IGSF11: variants seen among roughly 807,000 people sequenced by gnomAD.
IGSF11 encodes the protein immunoglobulin superfamily member 11, also known as CXADR like 1.
In IGSF11, 22 loss-of-function variants were observed where a neutral mutation model predicts 41.0. The ratio of observed to expected loss-of-function variants is 0.54; its 90% CI spans 0.38 to 0.77. IGSF11 has a LOEUF of 0.77. Among genes scored for constraint, IGSF11 ranks in the 30% least tolerant of loss-of-function variants. The probability of loss-of-function intolerance (pLI) is 0.00; values close to 1 mark genes in which losing one functional copy is unlikely to be tolerated. For synonymous variants in IGSF11, 219 were observed against 201.3 expected (o/e 1.09, Z -0.74); for missense variants, 444 against 530.8 (o/e 0.84, Z 1.61).
intron 4 of IGSF11, among the ~76,000 whole-genome samples, chr3:118,907,320 C>T (rs1429058087): frequency 6.6e-6 from 1 of 152,150 alleles, no homozygotes; most frequent in Non-Finnish European, 1.5e-5. Context: ...TATTGAGCAT[C>T]TTCCTTTGTG....
At chr3:118,908,444 G>T (rs2107476562) in intron 4 of IGSF11, among the ~76,000 whole-genome samples, 1 of 152,324 alleles carries the variant, frequency 6.6e-6, no homozygotes, top group East Asian at 1.9e-4. Context: ...AAATAGAGAA[G>T]AGAGCAACTC....
intron 1 of IGSF11, among the ~76,000 whole-genome samples, chr3:118,933,748 C>T (rs1299006286): frequency 6.6e-6 from 1 of 152,056 alleles, no homozygotes; most frequent in African/African-American, 2.4e-5. Flanking sequence ...ATTATCACTA[C>T]AATATTATAT....
chr3:118,983,276 C>T (rs1472738457), intron 1 of IGSF11: 1 of 152,140 alleles, frequency 6.6e-6, no homozygotes, highest in Non-Finnish European at 1.5e-5. Context: ...ATATCATCTC[C>T]AGTTTACAAA....
At chr3:119,072,060 TTCCAAGAAAAGAA>T (rs2107467704) in intron 1 of IGSF11, among the ~76,000 whole-genome samples, 1 of 152,318 alleles carries the variant, frequency 6.6e-6, no homozygotes, top group Admixed American at 6.5e-5. Flanking sequence ...TAGGAGAATA[TTCCAAGAAAAGAA>T]AAGTTGCCTA....
chr3:119,002,352 T>A (rs368548701), intron 1 of IGSF11, among the ~76,000 whole-genome samples: 2 of 151,134 alleles, frequency 1.3e-5, no homozygotes, highest in Non-Finnish European at 2.9e-5. Flanking sequence ...GTTTGAGTTC[T>A]TTGTAGATTC....
intron 1 of IGSF11, among the ~76,000 whole-genome samples, chr3:118,986,165 C>T (rs192294073): frequency 2.0e-5 from 3 of 152,290 alleles, no homozygotes; most frequent in Admixed American, 1.3e-4. Context: ...GTTCAAAAAT[C>T]CATTGCTTTA....
chr3:119,089,048 C>T (rs781319750), intron 1 of IGSF11, among the ~76,000 whole-genome samples: 1 of 152,028 alleles, frequency 6.6e-6, no homozygotes, highest in Non-Finnish European at 1.5e-5. Flanking sequence ...TCAAAAAAAT[C>T]GAGGAGTAGG....
chr3:118,995,204 C>G (rs1266549520), intron 1 of IGSF11, among the ~76,000 whole-genome samples: 4 of 152,218 alleles, frequency 2.6e-5, no homozygotes, highest in Admixed American at 6.5e-5. Context: ...TGACGATTCA[C>G]TAGAACAAGG....
chr3:119,087,407 C>T (rs928441682), intron 1 of IGSF11, among the ~76,000 whole-genome samples: 25 of 151,658 alleles, frequency 1.6e-4, no homozygotes, highest in South Asian at 6.2e-4. Context: ...CACACATACA[C>T]ACACACACAC....
At chr3:118,992,882 G>A (rs1430033183) in intron 1 of IGSF11, among the ~76,000 whole-genome samples, 1 of 152,162 alleles carries the variant, frequency 6.6e-6, no homozygotes, top group Non-Finnish European at 1.5e-5. Context: ...CAGAATGGAA[G>A]TCATACACAA....
chr3:118,909,223 A>G (rs1939973318), intron 4 of IGSF11, among the ~76,000 whole-genome samples: 1 of 152,142 alleles, frequency 6.6e-6, no homozygotes, highest in Non-Finnish European at 1.5e-5. Flanking sequence ...ATATATTTTC[A>G]TATGACTTAT....
chr3:119,047,814 A>C (rs939375834), intron 1 of IGSF11, among the ~76,000 whole-genome samples: 1 of 152,164 alleles, frequency 6.6e-6, no homozygotes, highest in Non-Finnish European at 1.5e-5. Context: ...ACCACAGTGC[A>C]ATCAAACTAG....
intron 1 of IGSF11, among the ~76,000 whole-genome samples, chr3:119,098,195 G>A (rs2076886240): frequency 6.6e-6 from 1 of 151,928 alleles, no homozygotes; most frequent in African/African-American, 2.4e-5. Flanking sequence ...TAGTTAAAAT[G>A]CTGACTCCAT....
chr3:119,078,789 A>T (rs969439874), intron 1 of IGSF11, among the ~76,000 whole-genome samples: 5 of 152,174 alleles, frequency 3.3e-5, no homozygotes, highest in Admixed American at 2.6e-4. Flanking sequence ...TACCTAAATA[A>T]TGGGAGAAAA....
chr3:119,131,831 C>T (rs1388608388), intron 1 of IGSF11, among the ~76,000 whole-genome samples: 1 of 152,140 alleles, frequency 6.6e-6, no homozygotes, highest in Non-Finnish European at 1.5e-5. Context: ...AAGGGAAGCC[C>T]ATCAGACTAA....
intron 1 of IGSF11, among the ~76,000 whole-genome samples, chr3:119,022,466 T>C (rs541748659): frequency 6.6e-6 from 1 of 152,284 alleles, no homozygotes; most frequent in African/African-American, 2.4e-5. Flanking sequence ...TAATGTAAAA[T>C]ACCAAAAATG....
intron 1 of IGSF11, among the ~76,000 whole-genome samples, chr3:119,133,924 A>C (rs2077519745): frequency 6.6e-6 from 1 of 152,234 alleles, no homozygotes; most frequent in South Asian, 2.1e-4. Flanking sequence ...AACATATGCC[A>C]ATCAATAAAC....
chr3:119,051,936 A>G (rs765170561), intron 1 of IGSF11, among the ~76,000 whole-genome samples: 35 of 152,192 alleles, frequency 2.3e-4, no homozygotes, highest in Non-Finnish European at 4.7e-4. Context: ...CTGAACAATA[A>G]TAGTGACACA....
intron 1 of IGSF11, among the ~76,000 whole-genome samples, chr3:118,977,808 G>A (rs112181643): frequency 0.013 from 1,942 of 152,160 alleles, 47 homozygotes; most frequent in African/African-American, 0.042. Context: ...AGCTCACATC[G>A]AGTCCCACAA....
Sources: allele counts gnomAD v4.1 joint callset (sites outside exome capture counted in the v4.1 genomes callset), GRCh38; gene constraint gnomAD v4.1.1; transcripts MANE v1.5; gene names NCBI Gene and HGNC (gene_info 2026-07-23, HGNC 2026-07-21).